Variants in TNFRSF8 observed in about 807,000 individuals in gnomAD.
TNFRSF8 encodes tumor necrosis factor receptor superfamily member 8.
A neutral mutation model predicts 70.8 loss-of-function variants in TNFRSF8; 26 were observed. The ratio of observed to expected loss-of-function variants is 0.37; its 90% confidence interval spans 0.27 to 0.51. The LOEUF (loss-of-function observed/expected upper bound fraction) is 0.51. TNFRSF8 is among the 20% of genes least tolerant of loss of function. The pLI is 0.94. For synonymous variants in TNFRSF8, 356 were observed against 339.2 expected (o/e 1.05, Z -0.54); for missense variants, 720 against 807.9 (o/e 0.89, Z 1.32).
rs11569899 is a variant in TNFRSF8, at chr1:12,116,999, C to T, written c.946+1270C>T. Among the ~76,000 whole-genome samples, 892 of 152,222 alleles carry T rather than the reference C, an allele frequency of 5.9e-3. 8 individuals are homozygous for T. Among genetic ancestry groups the T allele is most frequent in the African/African-American group, 0.021 (860 of 41,550 alleles). Reference sequence around the variant, plus strand: ...ACTACTAAATCTTCAAACACAACTTCAAAATGTATTACAATGGCATGGCAT... The same window carrying T: ...ACTACTAAATCTTCAAACACAACTTTAAAATGTATTACAATGGCATGGCAT... On this transcript the variant is annotated intron_variant, in intron 8 of 14. Coordinates refer to ENST00000263932, the MANE Select transcript of TNFRSF8 (RefSeq NM_001243.5).
intron 12 of TNFRSF8, 59 bp from the exon 13 acceptor site, chr1:12,135,529 C>T (rs557138525): frequency 1.3e-4 from 106 of 809,996 alleles, no homozygotes; most frequent in Middle Eastern, 8.7e-4. Context: ...ATAGTTGGGG[C>T]GGGTGGGGCC....
Position 12,142,609 on chromosome 1 carries a change from T to G in TNFRSF8, c.*78T>G. 2.5e-4 allele frequency: 376 copies of G among 1,502,874 alleles called. No homozygotes were observed. The highest frequency in any genetic ancestry group is 3.1e-4 in the Non-Finnish European group (346 of 1,120,776). 93.1% of individuals were successfully genotyped at this position (1,502,874 alleles called of 1,614,324 possible). On this transcript the variant is annotated 3_prime_UTR_variant, in exon 15 of 15. Transcript: ENST00000263932. The surrounding 1 kb of genome is among the most constrained non-coding windows in gnomAD (Gnocchi z 5.0). ...AGGATGGCACTGTTGGCACCGAGGT[T>G]GGGGGCAGAGGCCCATCTGGCCTGA...
intron 1 of TNFRSF8, among the ~76,000 whole-genome samples, chr1:12,079,324 G>A (rs1641022197): frequency 1.3e-5 from 2 of 152,188 alleles, no homozygotes; most frequent in South Asian, 4.1e-4. Flanking sequence ...TCATTACCTT[G>A]TGGACACCTC....
In TNFRSF8 at chr1:12,099,629, T is replaced by C. The variant is rs190230184; in HGVS notation, c.268+2412T>C. 2.0e-5 allele frequency among the ~76,000 whole-genome samples: 3 copies of C among 152,068 alleles called. No individual in the cohort carries two copies. The East Asian group carries it at 5.8e-4, about 29-fold the overall frequency. ...TGAGGATATAAATTATAGTCATGTA[T>C]TGCTTATTGACAGGAATACATTCTG... On this transcript the variant is annotated intron_variant, in intron 3 of 14. Coordinates refer to ENST00000263932, the MANE Select transcript of TNFRSF8 (RefSeq NM_001243.5).
Position 12,138,206 on chromosome 1 carries a change from C to A in TNFRSF8, c.1336-23C>A. The A allele has an allele frequency of 6.2e-7, 1 of 1,610,184 alleles. No homozygotes were observed. The highest frequency in any genetic ancestry group is 8.5e-7 in the Non-Finnish European group (1 of 1,177,676). ...TGGGGAGGTTGGGGGTACCCTGCAG[C>A]AGCACCCATTCCCGTCCCACAGCAG... On this transcript the variant is annotated intron_variant, in intron 13 of 14. Coordinates refer to ENST00000263932, the MANE Select transcript of TNFRSF8 (RefSeq NM_001243.5). This position sits in a 1 kb window ranked among gnomAD's most constrained non-coding sequence, Gnocchi z 5.7.
Position 12,110,826 on chromosome 1 carries a change from G to C in TNFRSF8, c.676+622G>C, listed in dbSNP as rs11569877. On this transcript the variant is annotated intron_variant, in intron 6 of 14. Transcript: ENST00000263932. This position sits in a 1 kb window ranked among gnomAD's most constrained non-coding sequence, Gnocchi z 4.0. ...TTGGTCAGGCTGGTCTCGAACTCCC[G>C]ACCTCAGGTGATCCGCCCACCTCGG... is the stretch of plus-strand genomic sequence containing the variant. Among the ~76,000 whole-genome samples the C allele has an allele frequency of 6.6e-6, 1 of 151,186 alleles. No homozygotes were observed. The highest frequency in any genetic ancestry group is 1.5e-5 in the Non-Finnish European group (1 of 67,948).
intron 3 of TNFRSF8, among the ~76,000 whole-genome samples, chr1:12,099,293 C>T (rs1641380089): frequency 6.6e-6 from 1 of 152,028 alleles, no homozygotes; most frequent in Non-Finnish European, 1.5e-5. Flanking sequence ...TACAGGGATG[C>T]ACCACCACGC....
At position 12,123,345 on chromosome 1, in the gene TNFRSF8, C is replaced by A. The variant is rs1448216744; in HGVS notation, c.1008C>A (p.Asn336Lys). 1 of 1,613,262 alleles carries A rather than the reference C, an allele frequency of 6.2e-7. No individual in the cohort carries two copies. Among genetic ancestry groups the A allele is most frequent in the South Asian group, 1.1e-5 (1 of 90,792 alleles). The change falls in exon 9 of 15, where the codon AAC (asparagine) becomes AAA (lysine). Residue 336 changes from asparagine (N) to lysine (K), a missense_variant. Coordinates refer to ENST00000263932, the MANE Select transcript of TNFRSF8 (RefSeq NM_001243.5). ...APPLGTQPDC[N>K]PTPENGEAPA... ...CCCTGGGGACCCAGCCGGACTGCAA[C>A]CCCACCCCAGAGAATGGCGAGGCGC...
chr1:12,117,940 C>G (rs1030283594), intron 8 of TNFRSF8, among the ~76,000 whole-genome samples: 18 of 151,934 alleles, frequency 1.2e-4, no homozygotes, highest in African/African-American at 4.4e-4. Context: ...GAAGTGAGAA[C>G]AGGCAGTATT....
In TNFRSF8 at chr1:12,126,315, G is replaced by C. The variant is rs966625520; in HGVS notation, c.1309+79G>C. 6 of 1,542,212 alleles carry C rather than the reference G, an allele frequency of 3.9e-6. No individual in the cohort carries two copies. The African/African-American group carries it at 8.2e-5, about 21-fold the overall frequency. On this transcript the variant is annotated intron_variant, in intron 12 of 14. Coordinates refer to ENST00000263932, the MANE Select transcript of TNFRSF8 (RefSeq NM_001243.5). ...CTCTGGGCCCGGGGCGTGGGCTCCAGAGACTGAACTTCTACCCCAGCCTCG... is the reference window on the plus strand; with the variant it reads ...CTCTGGGCCCGGGGCGTGGGCTCCACAGACTGAACTTCTACCCCAGCCTCG...
chr1:12,127,594 T>A (rs753432829), intron 12 of TNFRSF8, among the ~76,000 whole-genome samples: 3 of 152,196 alleles, frequency 2.0e-5, no homozygotes, highest in Non-Finnish European at 2.9e-5. Context: ...ACTGTTGACT[T>A]GGGCACAAAA....
In TNFRSF8 at chr1:12,116,296, C is replaced by T. The variant is rs538443436; in HGVS notation, c.946+567C>T. Among the ~76,000 whole-genome samples, 12 of 152,240 alleles carry T rather than the reference C, an allele frequency of 7.9e-5. 1 individual carries two copies. In the South Asian group the frequency reaches 2.3e-3, roughly 29 times the overall value. ...ATGCCCAGCCCCGGGCTGGTAAAATCTTGACCTGTTTGCAAGGCTGTTTTA... is the reference window on the plus strand; with the variant it reads ...ATGCCCAGCCCCGGGCTGGTAAAATTTTGACCTGTTTGCAAGGCTGTTTTA... On this transcript the variant is annotated intron_variant, in intron 8 of 14. Coordinates refer to ENST00000263932, the MANE Select transcript of TNFRSF8 (RefSeq NM_001243.5).
intron 1 of TNFRSF8, among the ~76,000 whole-genome samples, chr1:12,068,655 T>C (rs1425118131): frequency 2.0e-5 from 3 of 152,124 alleles, no homozygotes; most frequent in East Asian, 3.8e-4. Flanking sequence ...CCTAAGTCTT[T>C]TGGTGACATG....
At chr1:12,111,064 A>G (rs1336538226) in intron 6 of TNFRSF8, among the ~76,000 whole-genome samples, 2 of 152,026 alleles carry the variant, frequency 1.3e-5, no homozygotes, top group Non-Finnish European at 2.9e-5. Context: ...TTGGTTTTGT[A>G]AAAAAAATGG....
intron 1 of TNFRSF8, among the ~76,000 whole-genome samples, chr1:12,078,883 G>A (rs1641013848): frequency 6.6e-6 from 1 of 152,192 alleles, no homozygotes; most frequent in South Asian, 2.1e-4. Flanking sequence ...CAAACTCCCT[G>A]GGGCTCTTGT....
In TNFRSF8 at chr1:12,138,181, TG is replaced by T. The variant is rs779942724; in HGVS notation, c.1336-44del. ...AGGGGCCTCCCAGTTCAGAGACTGG[TG>T]GGGAGGTTGGGGGTACCCTGCAGCA... On this transcript the variant is annotated intron_variant, in intron 13 of 14. Transcript: ENST00000263932. This position sits in a 1 kb window ranked among gnomAD's most constrained non-coding sequence, Gnocchi z 5.7. 22 of 1,586,768 alleles carry T rather than the reference TG, an allele frequency of 1.4e-5. No homozygotes were observed. The highest frequency in any genetic ancestry group is 1.9e-5 in the Non-Finnish European group (22 of 1,163,010).
intron 1 of TNFRSF8, among the ~76,000 whole-genome samples, chr1:12,078,703 C>T (rs1641010387): frequency 6.6e-6 from 1 of 152,228 alleles, no homozygotes; most frequent in Non-Finnish European, 1.5e-5. Context: ...GGCCCTAACA[C>T]TGACCAGCTG....
In TNFRSF8 at chr1:12,088,010, C is replaced by G. The variant is rs1285281738; in HGVS notation, c.151+3459C>G. Among the ~76,000 whole-genome samples, 1 of 152,126 alleles carries G rather than the reference C, an allele frequency of 6.6e-6. No individual in the cohort carries two copies. Among genetic ancestry groups the G allele is most frequent in the Non-Finnish European group, 1.5e-5 (1 of 68,020 alleles). On this transcript the variant is annotated intron_variant, in intron 2 of 14. Transcript: ENST00000263932. The surrounding 1 kb of genome is among the most constrained non-coding windows in gnomAD (Gnocchi z 4.0). ...AACCCACAAAAACCCCTTCTTTGAT[C>G]TCTCGGGGAAATTTCTTGACATTTT...
chr1:12,063,856 G>A lies in TNFRSF8; in HGVS notation c.63+195G>A, dbSNP rs556863639. Among the ~76,000 whole-genome samples the A allele has an allele frequency of 1.8e-4, 27 of 152,280 alleles. No individual in the cohort carries two copies. The highest frequency in any genetic ancestry group is 3.4e-4 in the Non-Finnish European group (23 of 68,014). ...GAGGCTGGCTGAAGGGCTAGTGGTG[G>A]GGGGCGCCTCCTTCTCACCCCGCGA... On this transcript the variant is annotated intron_variant, in intron 1 of 14. Coordinates refer to ENST00000263932, the MANE Select transcript of TNFRSF8 (RefSeq NM_001243.5). The surrounding 1 kb of genome is among the most constrained non-coding windows in gnomAD (Gnocchi z 7.2).
Sources: gnomAD v4.1 joint callset for allele counts (sites outside exome capture counted in the v4.1 genomes callset) on GRCh38, gnomAD v4.1.1 for gene constraint, Gnocchi (gnomAD v3.1) non-coding constraint, MANE v1.5 for transcripts, NCBI Gene and HGNC (gene_info 2026-07-23, HGNC 2026-07-21) for gene names.